KIAA1958: variants seen among roughly 807,000 people sequenced by gnomAD.
KIAA1958 encodes uncharacterized protein KIAA1958.
A neutral mutation model predicts 47.2 loss-of-function variants in KIAA1958; 14 were observed. The observed-to-expected ratio is 0.30, with a 90% CI of 0.20 to 0.46. The LOEUF (loss-of-function observed/expected upper bound fraction) is 0.46, where lower values mean the gene tolerates loss of function less well. Among genes scored for constraint, KIAA1958 ranks in the 20% least tolerant of loss-of-function variants. KIAA1958 has a pLI of 1.00. For missense variants in KIAA1958, 803 were observed against 909.2 expected (o/e 0.88, Z 1.50); for synonymous variants, 354 against 353.3 (o/e 1.00, Z -0.02).
chr9:112,500,894 A>G (rs1223958587), intron 1 of KIAA1958, among the ~76,000 whole-genome samples: 1 of 151,660 alleles, frequency 6.6e-6, no homozygotes, highest in Non-Finnish European at 1.5e-5. Flanking sequence ...GGATTGCTTG[A>G]TCCCAGGAAT....
intron 1 of KIAA1958, among the ~76,000 whole-genome samples, chr9:112,519,068 T>C (rs1305692979): frequency 6.6e-6 from 1 of 152,152 alleles, no homozygotes; most frequent in Non-Finnish European, 1.5e-5. Flanking sequence ...TAGCTGGTAC[T>C]ATAGGCAGGC....
chr9:112,585,490 G>A (rs991583184), intron 2 of KIAA1958, among the ~76,000 whole-genome samples: 3 of 152,212 alleles, frequency 2.0e-5, no homozygotes, highest in African/African-American at 7.2e-5. Flanking sequence ...AGCCACCTGT[G>A]AAAGGCTGTG....
At chr9:112,505,864 G>A (rs1437712081) in intron 1 of KIAA1958, among the ~76,000 whole-genome samples, 1 of 152,180 alleles carries the variant, frequency 6.6e-6, no homozygotes, top group Admixed American at 6.5e-5. Flanking sequence ...CTTTGTGAGT[G>A]TATAGGTCAG....
At chr9:112,559,445 A>G (rs1433938678) in intron 1 of KIAA1958, among the ~76,000 whole-genome samples, 1 of 152,238 alleles carries the variant, frequency 6.6e-6, no homozygotes, top group East Asian at 1.9e-4. Flanking sequence ...AGTGAGGCAG[A>G]GAACAGCTCT....
intron 1 of KIAA1958, among the ~76,000 whole-genome samples, chr9:112,555,948 G>A (rs1175689743): frequency 6.6e-6 from 1 of 152,122 alleles, no homozygotes; most frequent in Non-Finnish European, 1.5e-5. Context: ...GGTGACACGT[G>A]CCTATAATCC....
intron 2 of KIAA1958, among the ~76,000 whole-genome samples, chr9:112,613,300 T>C (rs1243117336): frequency 6.6e-6 from 1 of 152,156 alleles, no homozygotes; most frequent in Non-Finnish European, 1.5e-5. Flanking sequence ...AACATATAGG[T>C]GGATATTTTG....
intron 3 of KIAA1958, among the ~76,000 whole-genome samples, chr9:112,657,653 T>TA (rs932096829): frequency 1.2e-4 from 18 of 150,642 alleles, no homozygotes; most frequent in African/African-American, 2.9e-4. Flanking sequence ...GTCTACTTGA[T>TA]AAAAAAAAAA....
intron 1 of KIAA1958, among the ~76,000 whole-genome samples, chr9:112,521,406 T>G (rs935937407): frequency 6.6e-6 from 1 of 152,080 alleles, no homozygotes; most frequent in Non-Finnish European, 1.5e-5. Context: ...TAGAGACAGG[T>G]TCTCACTCTG....
intron 2 of KIAA1958, among the ~76,000 whole-genome samples, chr9:112,608,150 A>G: frequency 6.6e-6 from 1 of 152,214 alleles, no homozygotes; most frequent in Non-Finnish European, 1.5e-5. Flanking sequence ...ATTATTTTAA[A>G]TTATTTCTAA....
At position 112,622,103 on chromosome 9, in the gene KIAA1958, C is replaced by T. The variant is rs149367233; in HGVS notation, c.1172-23547C>T. Among the ~76,000 whole-genome samples, 21 of 152,220 alleles carry T rather than the reference C, an allele frequency of 1.4e-4. No homozygotes were observed. In the East Asian group the frequency reaches 3.5e-3, roughly 25 times the overall value. ...AAATGATACTGAGAAGATAGCACTG[C>T]CAGATGCCATTTTTATTATTTGGAA... On this transcript the variant is annotated intron_variant, in intron 2 of 3. Coordinates refer to ENST00000337530, the MANE Select transcript of KIAA1958 (RefSeq NM_133465.4).
intron 1 of KIAA1958, among the ~76,000 whole-genome samples, chr9:112,496,591 G>A (rs2132760329): frequency 6.6e-6 from 1 of 152,230 alleles, no homozygotes; most frequent in South Asian, 2.1e-4. Flanking sequence ...AAAAAATGTG[G>A]CTTCTTGATG....
chr9:112,661,691 A>G lies in KIAA1958; in HGVS notation c.*1622A>G, dbSNP rs1837279032. On this transcript the variant is annotated 3_prime_UTR_variant, in exon 4 of 4. Transcript: ENST00000337530. ...GTTATTCCCTTTTTAGTCACTGTGC[A>G]TTTATAAGTTTGTTTACTAGTTGAC... is the stretch of plus-strand genomic sequence containing the variant. The G allele has an allele frequency of 6.6e-6, 1 of 152,194 alleles. No homozygotes were observed. Among genetic ancestry groups the G allele is most frequent in the Non-Finnish European group, 1.5e-5 (1 of 68,040 alleles). 9.4% of individuals were successfully genotyped at this position (152,194 alleles called of 1,614,324 possible).
At chr9:112,515,946 T>C (rs1834425784) in intron 1 of KIAA1958, among the ~76,000 whole-genome samples, 1 of 133,870 alleles carries the variant, frequency 7.5e-6, no homozygotes, top group Admixed American at 7.5e-5. Flanking sequence ...TCAAGAACAT[T>C]CAGCTTTGTG....
At chr9:112,642,688 G>C (rs962039103) in intron 2 of KIAA1958, among the ~76,000 whole-genome samples, 6 of 152,072 alleles carry the variant, frequency 3.9e-5, no homozygotes, top group African/African-American at 1.4e-4. Flanking sequence ...AGTAGTTCCC[G>C]CTTTTTCCTG....
At chr9:112,571,586 A>G (rs1416009943) in intron 1 of KIAA1958, among the ~76,000 whole-genome samples, 2 of 152,104 alleles carry the variant, frequency 1.3e-5, no homozygotes, top group Non-Finnish European at 2.9e-5. Context: ...GTGAGGAGTA[A>G]GAGAGAATGG....
At position 112,567,686 on chromosome 9, in the gene KIAA1958, T is replaced by C. The variant is rs1588021138; in HGVS notation, c.-24-6371T>C. On this transcript the variant is annotated intron_variant, in intron 1 of 3. Transcript: ENST00000337530. ...AAATCCCGAAAATACAGGCCAGGTA[T>C]GGTGGCTGACACCTGTAATCCCAGC... Among the ~76,000 whole-genome samples the C allele has an allele frequency of 2.0e-5, 3 of 151,764 alleles. No individual in the cohort carries two copies. In the South Asian group the frequency reaches 6.2e-4, roughly 32 times the overall value.
At chr9:112,531,677 G>T (rs937836215) in intron 1 of KIAA1958, among the ~76,000 whole-genome samples, 1 of 152,146 alleles carries the variant, frequency 6.6e-6, no homozygotes. Flanking sequence ...CCATAATTCA[G>T]GTTGTTTTTC....
chr9:112,549,700 G>A (rs1295175552), intron 1 of KIAA1958, among the ~76,000 whole-genome samples: 5 of 152,208 alleles, frequency 3.3e-5, no homozygotes, highest in African/African-American at 9.7e-5. Context: ...GCGAGGGGAA[G>A]AGCTGCAGAA....
intron 1 of KIAA1958, among the ~76,000 whole-genome samples, chr9:112,530,995 A>G (rs1014017701): frequency 5.9e-5 from 9 of 152,250 alleles, no homozygotes; most frequent in Admixed American, 5.2e-4. Context: ...TCTGAGTTAC[A>G]GCTGATGAAA....
Sources: allele counts gnomAD v4.1 joint callset (sites outside exome capture counted in the v4.1 genomes callset), GRCh38; gene constraint gnomAD v4.1.1; transcripts MANE v1.5; gene names NCBI Gene and HGNC (gene_info 2026-07-23, HGNC 2026-07-21).